The following KHDRBS2 variants were observed in gnomAD, a reference collection of about 807,000 sequenced individuals.
KHDRBS2 encodes KH RNA binding domain containing, signal transduction associated 2.
KHDRBS2 carries 26 observed loss-of-function variants against 44.3 expected under a neutral mutation model. That is an observed-to-expected ratio of 0.59 (90% CI 0.43 to 0.81). KHDRBS2 has a LOEUF of 0.81. Ranked by LOEUF, KHDRBS2 falls within the 40% of genes least tolerant of loss-of-function variation. The probability of loss-of-function intolerance (pLI) is 0.00; values close to 1 mark genes in which losing one functional copy is unlikely to be tolerated. For synonymous variants in KHDRBS2, 194 were observed against 151.1 expected (o/e 1.28, Z -2.08); for missense variants, 476 against 433.1 (o/e 1.10, Z -0.88).
intron 7 of KHDRBS2, among the ~76,000 whole-genome samples, chr6:61,722,996 G>T (rs1249418053): frequency 1.3e-5 from 2 of 152,128 alleles, no homozygotes; most frequent in African/African-American, 4.8e-5. Flanking sequence ...GGCATGAGCT[G>T]CGGCGAGGAA....
At chr6:62,090,745 G>A (rs1223507973) in intron 2 of KHDRBS2, among the ~76,000 whole-genome samples, 2 of 152,022 alleles carry the variant, frequency 1.3e-5, no homozygotes, top group Non-Finnish European at 1.5e-5. Context: ...TATGACAAAT[G>A]TTACCCTTCA....
intron 6 of KHDRBS2, among the ~76,000 whole-genome samples, chr6:61,843,341 T>TTTATTATTATTATTATTATTA (rs70993183): frequency 1.4e-4 from 20 of 143,368 alleles, no homozygotes; most frequent in African/African-American, 3.9e-4. Context: ...TTATATCTAT[T>TTTATTATTATTATTATTATTA]TTATTATTAT....
chr6:62,023,655 T>TA (rs1175119243), intron 3 of KHDRBS2, among the ~76,000 whole-genome samples: 15 of 151,524 alleles, frequency 9.9e-5, no homozygotes, highest in Non-Finnish European at 1.5e-5. Flanking sequence ...ATTACTAATA[T>TA]AAAAAACAAA....
intron 6 of KHDRBS2, among the ~76,000 whole-genome samples, chr6:61,794,083 T>C (rs757904055): frequency 3.3e-5 from 5 of 152,192 alleles, no homozygotes; most frequent in Non-Finnish European, 7.4e-5. Flanking sequence ...AACAAGATTA[T>C]AAAACAATAA....
At chr6:61,569,832 A>G in the KHDRBS2 span, among the ~76,000 whole-genome samples, 1 of 152,110 alleles carries the variant, frequency 6.6e-6, no homozygotes, top group African/African-American at 2.4e-5. Context: ...AATAACAATC[A>G]TTGTAGTCTG....
chr6:62,282,622 G>C (rs1478573800), intron 1 of KHDRBS2, among the ~76,000 whole-genome samples: 1 of 152,016 alleles, frequency 6.6e-6, no homozygotes, highest in Non-Finnish European at 1.5e-5. Flanking sequence ...ATTAATAGTA[G>C]TTCAATAGAC....
chr6:62,101,391 G>A (rs555849537), intron 2 of KHDRBS2, among the ~76,000 whole-genome samples: 1 of 152,204 alleles, frequency 6.6e-6, no homozygotes, highest in East Asian at 1.9e-4. Flanking sequence ...ATTTCATGGG[G>A]TAAAATGGAG....
the KHDRBS2 span, among the ~76,000 whole-genome samples, chr6:61,632,173 T>C: frequency 2.0e-5 from 3 of 152,102 alleles, no homozygotes; most frequent in Non-Finnish European, 4.4e-5. Flanking sequence ...GTATTATGAG[T>C]ATGGCCAATA....
At chr6:62,049,014 C>T (rs1215641735) in intron 2 of KHDRBS2, among the ~76,000 whole-genome samples, 1 of 151,248 alleles carries the variant, frequency 6.6e-6, no homozygotes, top group African/African-American at 2.4e-5. Context: ...TGCCATAATC[C>T]CTCAGTAAGA....
the KHDRBS2 span, among the ~76,000 whole-genome samples, chr6:61,545,097 A>C: frequency 6.6e-6 from 1 of 152,128 alleles, no homozygotes; most frequent in South Asian, 2.1e-4. Flanking sequence ...AATTTTAAAA[A>C]AATTTGAGTA....
chr6:61,878,436 T>C (rs182630851), intron 6 of KHDRBS2, among the ~76,000 whole-genome samples: 16 of 152,134 alleles, frequency 1.1e-4, no homozygotes, highest in Admixed American at 7.2e-4. Context: ...CCTTGAAGTA[T>C]TTTACTTATT....
At chr6:62,011,359 C>T (rs1270306464) in intron 3 of KHDRBS2, among the ~76,000 whole-genome samples, 1 of 152,030 alleles carries the variant, frequency 6.6e-6, no homozygotes, top group East Asian at 1.9e-4. Flanking sequence ...ACACATTGCA[C>T]ACGAAAATAA....
intron 3 of KHDRBS2, among the ~76,000 whole-genome samples, chr6:61,987,825 C>A (rs1293093849): frequency 6.6e-6 from 1 of 152,170 alleles, no homozygotes; most frequent in Non-Finnish European, 1.5e-5. Context: ...TGTCACTTCA[C>A]TTCCAAATGC....
chr6:61,985,294 T>C (rs1162338907), intron 3 of KHDRBS2, among the ~76,000 whole-genome samples: 1 of 152,226 alleles, frequency 6.6e-6, no homozygotes, highest in Non-Finnish European at 1.5e-5. Flanking sequence ...TATTTATTTA[T>C]TTATTTTACT....
chr6:61,872,763 A>G (rs1798844051), intron 6 of KHDRBS2, among the ~76,000 whole-genome samples: 1 of 122,746 alleles, frequency 8.1e-6, no homozygotes. Flanking sequence ...AAAATGAACC[A>G]AGACATGTTG....
chr6:62,119,821 T>C (rs1002723683), intron 2 of KHDRBS2, among the ~76,000 whole-genome samples: 1 of 152,108 alleles, frequency 6.6e-6, no homozygotes, highest in East Asian at 1.9e-4. Flanking sequence ...CTTGAGGCAG[T>C]TGCCAGGCAA....
Position 61,728,841 on chromosome 6 carries a change from T to TA in KHDRBS2, c.893+3840dup, listed in dbSNP as rs763723010. Among the ~76,000 whole-genome samples the TA allele has an allele frequency of 4.6e-5, 7 of 152,296 alleles. No individual in the cohort carries two copies. In the East Asian group the frequency reaches 5.8e-4, roughly 13 times the overall value. Reference sequence around the variant, plus strand: ...TTCTTTTTTTACTATATTTTCTTTTTAAAAAAACTTTTAAGTTCAGGGATA... The same window carrying TA: ...TTCTTTTTTTACTATATTTTCTTTTTAAAAAAAACTTTTAAGTTCAGGGATA... On this transcript the variant is annotated intron_variant, in intron 7 of 8. Coordinates refer to ENST00000281156, the MANE Select transcript of KHDRBS2 (RefSeq NM_152688.4).
the KHDRBS2 span, among the ~76,000 whole-genome samples, chr6:61,652,942 G>A: frequency 6.6e-6 from 1 of 152,070 alleles, no homozygotes; most frequent in Non-Finnish European, 1.5e-5. Flanking sequence ...AAAGCTCTGA[G>A]TCTAATTGGG....
chr6:61,772,793 C>A (rs4440445), intron 6 of KHDRBS2, among the ~76,000 whole-genome samples: 29,131 of 151,904 alleles, frequency 0.19, 3,874 homozygotes, highest in African/African-American at 0.36. Flanking sequence ...CTACCCCCTA[C>A]CCCAACTCCA....
Sources: allele counts gnomAD v4.1 joint callset (sites outside exome capture counted in the v4.1 genomes callset), GRCh38; gene constraint gnomAD v4.1.1; transcripts MANE v1.5; gene names NCBI Gene and HGNC (gene_info 2026-07-23, HGNC 2026-07-21).